Variants in NLRP8 observed in about 807,000 individuals in gnomAD.
The protein encoded by NLRP8 is NACHT, LRR and PYD domains-containing protein 8.
In NLRP8, 86 loss-of-function variants were observed where a neutral mutation model predicts 88.7. That is an observed-to-expected ratio of 0.97 (90% CI 0.81 to 1.16). The LOEUF (loss-of-function observed/expected upper bound fraction) is 1.16, where lower values mean the gene tolerates loss of function less well. Ranked by LOEUF, NLRP8 falls within the 50% of genes most tolerant of loss-of-function variation. The pLI is 0.00. For missense variants in NLRP8, 1,342 were observed against 1,286.5 expected, an observed-to-expected ratio of 1.04 and a Z score of -0.66; for synonymous variants, 504 against 494.6, an observed-to-expected ratio of 1.02 and a Z score of -0.25.
chr19:55,960,674 A>AT (rs1276112024), intron 3 of NLRP8, among the ~76,000 whole-genome samples: 2 of 152,266 alleles, frequency 1.3e-5, no homozygotes, highest in East Asian at 3.9e-4. Context: ...ATTTCTATGT[A>AT]TTTGACGGAT....
At chr19:55,977,762 TG>T (rs36008621) in intron 8 of NLRP8, among the ~76,000 whole-genome samples, 55,202 of 151,394 alleles carry the variant, frequency 0.36, 10,620 homozygotes, top group Non-Finnish European at 0.43. Flanking sequence ...CCAAATTTTT[TG>T]CTCTCCATTA....
Position 55,971,996 on chromosome 19 carries a change from CT to C in NLRP8, c.2534+1306del, listed in dbSNP as rs1980093996. Among the ~76,000 whole-genome samples, 7 of 151,948 alleles carry C rather than the reference CT, an allele frequency of 4.6e-5. No homozygotes were observed. The South Asian group carries it at 1.5e-3, about 32-fold the overall frequency. The stretch of plus-strand genomic sequence containing the variant: ...TTCCCATGTATTTAATGCGTCTTTC[CT>C]TTTTTATAACTTCCGAAATTATGTC... On this transcript the variant is annotated intron_variant, in intron 6 of 9. Transcript: ENST00000291971.
intron 5 of NLRP8, among the ~76,000 whole-genome samples, chr19:55,968,168 G>C (rs985386579): frequency 6.6e-6 from 1 of 152,160 alleles, no homozygotes; most frequent in Non-Finnish European, 1.5e-5. Context: ...GCTGGACACC[G>C]TGGCTCATGC....
At chr19:55,970,781 T>A in intron 6 of NLRP8, 85 bp downstream of exon 6, 1 of 1,561,166 alleles carries the variant, frequency 6.4e-7, no homozygotes, top group Admixed American at 1.8e-5. Context: ...AGAAAAGAAG[T>A]CATAGGGAAG....
intron 3 of NLRP8, among the ~76,000 whole-genome samples, chr19:55,959,849 A>T (rs1458009990): frequency 4.6e-5 from 7 of 152,132 alleles, no homozygotes; most frequent in African/African-American, 1.7e-4. Context: ...ACTTCTTCTA[A>T]TCTATAAGGA....
At chr19:55,961,822 A>C (rs1217603691) in intron 3 of NLRP8, among the ~76,000 whole-genome samples, 1 of 152,180 alleles carries the variant, frequency 6.6e-6, no homozygotes, top group African/African-American at 2.4e-5. Context: ...AAAAAATAAA[A>C]GCAACTTCCT....
At chr19:55,952,800 C>G (rs1386155444) in intron 2 of NLRP8, among the ~76,000 whole-genome samples, 188 bp downstream of exon 2, 1 of 152,124 alleles carries the variant, frequency 6.6e-6, no homozygotes, top group Non-Finnish European at 1.5e-5. Context: ...GTGGCAGTTG[C>G]CTGTAGTCCC....
chr19:55,969,773 G>A (rs144834036), intron 5 of NLRP8, among the ~76,000 whole-genome samples: 57 of 152,300 alleles, frequency 3.7e-4, no homozygotes, highest in South Asian at 1.0e-3. Flanking sequence ...ATCCAACAGA[G>A]TTGAATGTAG....
intron 1 of NLRP8, among the ~76,000 whole-genome samples, chr19:55,951,701 T>A (rs1429481874): frequency 1.3e-5 from 2 of 152,194 alleles, no homozygotes; most frequent in African/African-American, 4.8e-5. Context: ...AAATTACTTA[T>A]AATACCCAAC....
At position 55,966,392 on chromosome 19, in the gene NLRP8, G is replaced by A. The variant is rs1442059109; in HGVS notation, c.2381+12G>A. The A allele has an allele frequency of 2.5e-6, 4 of 1,612,602 alleles. No individual in the cohort carries two copies. Among genetic ancestry groups the A allele is most frequent in the Non-Finnish European group, 3.4e-6 (4 of 1,179,104 alleles). On this transcript the variant is annotated intron_variant, in intron 5 of 9. Transcript: ENST00000291971. ...CTGCAGTGTCTCAGGTGAGATTTGA[G>A]AGGGGGGTTAGAGTGGGAACCGGGG...
chr19:55,969,175 G>A (rs1979968447), intron 5 of NLRP8, among the ~76,000 whole-genome samples: 1 of 152,114 alleles, frequency 6.6e-6, no homozygotes, highest in African/African-American at 2.4e-5. Context: ...TTCTTTAGTG[G>A]TGATTTCTAA....
chr19:55,949,571 T>C (rs1274416704), intron 1 of NLRP8, among the ~76,000 whole-genome samples: 1 of 152,158 alleles, frequency 6.6e-6, no homozygotes, highest in Non-Finnish European at 1.5e-5. Context: ...GTATCCACAT[T>C]GTTCAGTACT....
rs1369964858 is a variant in NLRP8 at position 55,957,698 on chromosome 19, TATATATATATATATATATATATATATAA to T, written c.2042+1600_2042+1627del. On this transcript the variant is annotated intron_variant, in intron 3 of 9. Coordinates refer to ENST00000291971, the MANE Select transcript of NLRP8 (RefSeq NM_176811.2). Reference sequence around the variant, plus strand: ...TTATATATATATATATATATATATATATATATATATATATATATATATATATAAAATAAGGTTGTTAAACGTGTTAAAA... The same window carrying T: ...TTATATATATATATATATATATATATAATAAGGTTGTTAAACGTGTTAAAA... Among the ~76,000 whole-genome samples the T allele has an allele frequency of 1.5e-3, 41 of 26,532 alleles. No individual in the cohort carries two copies. The East Asian group carries it at 0.062, about 40-fold the overall frequency. The allele number at this position is 26,532 out of a possible 152,430, so 17.4% of individuals were successfully genotyped here.
At chr19:55,976,351 A>G (rs1399856123) in intron 8 of NLRP8, 48 bp downstream of exon 8, 1 of 1,470,162 alleles carries the variant, frequency 6.8e-7, no homozygotes, top group Non-Finnish European at 9.1e-7. Flanking sequence ...AATTGTATAT[A>G]AGCGTCTCTC....
intron 2 of NLRP8, among the ~76,000 whole-genome samples, chr19:55,952,990 T>C (rs1198462045): frequency 6.6e-6 from 1 of 152,114 alleles, no homozygotes; most frequent in Non-Finnish European, 1.5e-5. Flanking sequence ...CCCCGGGCCA[T>C]GGACTAGTAC....
At position 55,955,003 on chromosome 19, in the gene NLRP8, A is replaced by G; in HGVS notation, c.945A>G (p.Leu315=). 1 of 1,614,162 alleles carries G rather than the reference A, an allele frequency of 6.2e-7. No individual in the cohort carries two copies. The highest frequency in any genetic ancestry group is 8.5e-7 in the Non-Finnish European group (1 of 1,180,042). ...GGCAGAAATTGCCTGGGTCTGTCCT[A>G]CTGAGCAGTTTGCTGAGCAAAACGA... Residue 315 remains leucine, a synonymous_variant, in exon 3 of 10, where the codon CTA becomes CTG. Coordinates refer to ENST00000291971, the MANE Select transcript of NLRP8 (RefSeq NM_176811.2).
At chr19:55,962,008 C>T (rs1331049095) in intron 3 of NLRP8, 59 bp from the exon 4 acceptor site, 1 of 1,571,388 alleles carries the variant, frequency 6.4e-7, no homozygotes, top group Non-Finnish European at 8.7e-7. Context: ...CTGGGGTTTC[C>T]TAGTAGATTT....
chr19:55,953,851 G>A (rs1600297383), intron 2 of NLRP8, among the ~76,000 whole-genome samples: 3 of 137,900 alleles, frequency 2.2e-5, no homozygotes, highest in African/African-American at 8.4e-5. Flanking sequence ...ACCCACACTG[G>A]AGTGCAGTGG....
chr19:55,966,379 A>G lies in NLRP8; in HGVS notation c.2380A>G (p.Arg794Gly). ...CCCCCGGTGCCGTCTGCAGTGTCTC[A>G]GGTGAGATTTGAGAGGGGGGTTAGA... The change falls in exon 5 of 10, where the codon AGG becomes GGG. Residue 794 changes from arginine to glycine, a missense_variant and splice_region_variant. Physicochemically the swap from Arg to Gly is moderately radical, Grantham distance 125. Transcript: ENST00000291971. 6.2e-7 allele frequency: 1 copy of G among 1,613,270 alleles called. No individual in the cohort carries two copies. The highest frequency in any genetic ancestry group is 8.5e-7 in the Non-Finnish European group (1 of 1,179,466).
Sources: allele counts gnomAD v4.1 joint callset (sites outside exome capture counted in the v4.1 genomes callset), GRCh38; gene constraint gnomAD v4.1.1; transcripts MANE v1.5; gene names NCBI Gene and HGNC (gene_info 2026-07-23, HGNC 2026-07-21).